Variants in SHISA6 observed in about 807,000 individuals in gnomAD.
SHISA6 encodes the protein shisa family member 6, also known as protein shisa-6.
A neutral mutation model predicts 47.9 loss-of-function variants in SHISA6; 22 were observed. The observed-to-expected ratio is 0.46, with a 90% confidence interval of 0.33 to 0.66. SHISA6 has a LOEUF of 0.66. Ranked by LOEUF, SHISA6 falls within the 30% of genes least tolerant of loss-of-function variation. The pLI is 0.02. For missense variants in SHISA6, 680 were observed against 764.6 expected (o/e 0.89, Z 1.30); for synonymous variants, 388 against 337.8 (o/e 1.15, Z -1.63).
chr17:11,489,602 A>C (rs1916426627), intron 3 of SHISA6, among the ~76,000 whole-genome samples: 1 of 152,194 alleles, frequency 6.6e-6, no homozygotes, highest in Admixed American at 6.5e-5. Context: ...GCTGAAGGGT[A>C]GGCAGAGGGA....
intron 2 of SHISA6, among the ~76,000 whole-genome samples, chr17:11,359,157 A>T (rs2142227690): frequency 6.6e-6 from 1 of 152,222 alleles, no homozygotes; most frequent in Non-Finnish European, 1.5e-5. Context: ...GTGAAATCTG[A>T]CCTATGTGTC....
At chr17:11,395,905 A>G (rs1305021819) in intron 3 of SHISA6, among the ~76,000 whole-genome samples, 1 of 152,200 alleles carries the variant, frequency 6.6e-6, no homozygotes, top group Non-Finnish European at 1.5e-5. Context: ...TAGAGAAGAT[A>G]AAGGGCATCT....
intron 2 of SHISA6, among the ~76,000 whole-genome samples, chr17:11,265,798 G>T (rs1320884655): frequency 6.6e-6 from 1 of 152,210 alleles, no homozygotes; most frequent in African/African-American, 2.4e-5. Flanking sequence ...TAGGTGGACA[G>T]TCTGGATTTG....
intron 3 of SHISA6, among the ~76,000 whole-genome samples, chr17:11,434,124 C>T (rs1914869633): frequency 6.7e-6 from 1 of 149,400 alleles, no homozygotes; most frequent in Non-Finnish European, 1.5e-5. Context: ...AGTGCAGTAG[C>T]ACAATTTTGG....
chr17:11,367,529 A>C (rs1190597620), intron 2 of SHISA6, among the ~76,000 whole-genome samples: 1 of 152,216 alleles, frequency 6.6e-6, no homozygotes, highest in Non-Finnish European at 1.5e-5. Flanking sequence ...GAAGGAAAGC[A>C]CAATTCCCAA....
At chr17:11,357,056 G>T (rs1348436908) in intron 2 of SHISA6, among the ~76,000 whole-genome samples, 6 of 151,798 alleles carry the variant, frequency 4.0e-5, no homozygotes, top group Non-Finnish European at 1.5e-5. Context: ...GTGGTGGCAG[G>T]CACCACCTGT....
intron 3 of SHISA6, among the ~76,000 whole-genome samples, chr17:11,538,293 C>T (rs1171759903): frequency 6.6e-5 from 10 of 152,224 alleles, no homozygotes; most frequent in Admixed American, 6.5e-4. Context: ...CAACTCCTGA[C>T]CTTGTGATCC....
At chr17:11,244,385 A>G (rs1449619348) in intron 1 of SHISA6, among the ~76,000 whole-genome samples, 1 of 152,100 alleles carries the variant, frequency 6.6e-6, no homozygotes, top group Non-Finnish European at 1.5e-5. Flanking sequence ...CACTCCATGA[A>G]TGACCTTGGG....
intron 3 of SHISA6, among the ~76,000 whole-genome samples, chr17:11,502,408 CAAAAAAAAA>C (rs33980148): frequency 0.013 from 453 of 34,084 alleles, 5 homozygotes; most frequent in African/African-American, 0.054. Flanking sequence ...GACTCCGTCT[CAAAAAAAAA>C]AAAAAAAAAA....
chr17:11,544,204 T>A (rs2142381488), intron 3 of SHISA6, among the ~76,000 whole-genome samples: 1 of 152,062 alleles, frequency 6.6e-6, no homozygotes, highest in African/African-American at 2.4e-5. Context: ...GTATAAAATT[T>A]AAAAATTGAT....
chr17:11,509,053 C>CACTGCATA (rs1555541032), intron 3 of SHISA6, among the ~76,000 whole-genome samples: 1 of 152,186 alleles, frequency 6.6e-6, no homozygotes, highest in Non-Finnish European at 1.5e-5. Context: ...TGGAAGGTTT[C>CACTGCATA]ACTGCATAAA....
intron 3 of SHISA6, among the ~76,000 whole-genome samples, chr17:11,498,278 C>T (rs942977210): frequency 6.6e-6 from 1 of 152,196 alleles, no homozygotes; most frequent in Non-Finnish European, 1.5e-5. Context: ...CCTTCCTCCT[C>T]CTCCATCCCC....
intron 3 of SHISA6, among the ~76,000 whole-genome samples, chr17:11,481,574 C>G (rs2142330947): frequency 1.3e-5 from 2 of 151,062 alleles, no homozygotes; most frequent in South Asian, 4.2e-4. Context: ...CTGACTACAA[C>G]CTGTGCTTCC....
chr17:11,388,354 G>A (rs929171321), intron 3 of SHISA6, among the ~76,000 whole-genome samples: 2 of 152,138 alleles, frequency 1.3e-5, no homozygotes, highest in African/African-American at 4.8e-5. Flanking sequence ...TCTTTCTTGT[G>A]TGGCTCTATA....
At chr17:11,423,162 G>A (rs1914496077) in intron 3 of SHISA6, among the ~76,000 whole-genome samples, 2 of 151,006 alleles carry the variant, frequency 1.3e-5, no homozygotes, top group Admixed American at 6.6e-5. Context: ...AGCAAAGTGG[G>A]AAGCATAAAA....
At chr17:11,405,007 C>CCT (rs370716963) in intron 3 of SHISA6, among the ~76,000 whole-genome samples, 71 of 152,152 alleles carry the variant, frequency 4.7e-4, no homozygotes, top group African/African-American at 1.6e-3. Flanking sequence ...CATCTTGGGC[C>CCT]CTCTGTTCAA....
chr17:11,387,081 C>T (rs946947739), intron 3 of SHISA6, among the ~76,000 whole-genome samples: 77 of 152,114 alleles, frequency 5.1e-4, no homozygotes, highest in Non-Finnish European at 1.5e-4. Context: ...AGCTCCAAGG[C>T]CCTAGGAAAT....
chr17:11,331,302 A>T (rs7219748), intron 2 of SHISA6, among the ~76,000 whole-genome samples: 1 of 152,108 alleles, frequency 6.6e-6, no homozygotes, highest in African/African-American at 2.4e-5. Context: ...AGGCCAAAAG[A>T]GACAACAAAC....
chr17:11,321,265 C>G (rs1033448676), intron 2 of SHISA6, among the ~76,000 whole-genome samples: 8 of 152,156 alleles, frequency 5.3e-5, no homozygotes, highest in Non-Finnish European at 1.2e-4. Flanking sequence ...AATGCAGTGT[C>G]AGGAAGTTTC....
Sources: gnomAD v4.1 joint callset for allele counts (sites outside exome capture counted in the v4.1 genomes callset) on GRCh38, gnomAD v4.1.1 for gene constraint, MANE v1.5 for transcripts, NCBI Gene and HGNC (gene_info 2026-07-23, HGNC 2026-07-21) for gene names.